The following TEX2 variants were observed in gnomAD, a reference collection of about 807,000 sequenced individuals.
The protein encoded by TEX2 is testis-expressed protein 2.
TEX2 carries 53 observed loss-of-function variants against 106.9 expected under a neutral mutation model. The ratio of observed to expected loss-of-function variants is 0.50; its 90% confidence interval spans 0.40 to 0.62. The LOEUF (loss-of-function observed/expected upper bound fraction) is 0.62. TEX2 is among the 20% of genes least tolerant of loss of function. The probability of loss-of-function intolerance (pLI) is 0.00; values close to 1 mark genes in which losing one functional copy is unlikely to be tolerated. For missense variants in TEX2, 1,207 were observed against 1,379.0 expected (o/e 0.88, Z 1.98); for synonymous variants, 523 against 534.8 (o/e 0.98, Z 0.30).
intron 2 of TEX2, among the ~76,000 whole-genome samples, chr17:64,211,702 C>T (rs1298993730): frequency 6.6e-6 from 1 of 151,114 alleles, no homozygotes; most frequent in Non-Finnish European, 1.5e-5. Context: ...TTTTGGTATC[C>T]TTGGGGGGGG....
chr17:64,234,025 T>C (rs2033714896), intron 1 of TEX2, among the ~76,000 whole-genome samples: 1 of 152,124 alleles, frequency 6.6e-6, no homozygotes, highest in Admixed American at 6.5e-5. Context: ...GAAGGTCTGT[T>C]CCATTGCTGT....
chr17:64,170,544 C>T (rs890778676), intron 7 of TEX2, among the ~76,000 whole-genome samples: 1 of 151,158 alleles, frequency 6.6e-6, no homozygotes, highest in Admixed American at 6.6e-5. Flanking sequence ...GGCATGTGTG[C>T]ATCACTGGGC....
intron 1 of TEX2, among the ~76,000 whole-genome samples, chr17:64,233,894 A>T (rs529254422): frequency 6.6e-6 from 1 of 152,154 alleles, no homozygotes; most frequent in Non-Finnish European, 1.5e-5. Context: ...TTCACTACAC[A>T]TGCCTGTACT....
chr17:64,155,977 A>G (rs1387132524), intron 8 of TEX2: 1 of 152,166 alleles, frequency 6.6e-6, no homozygotes, highest in African/African-American at 2.4e-5. Context: ...ACACAACCAA[A>G]TGGTCACCAA....
chr17:64,167,969 A>G (rs2031217627), intron 7 of TEX2, among the ~76,000 whole-genome samples: 1 of 152,174 alleles, frequency 6.6e-6, no homozygotes, highest in Non-Finnish European at 1.5e-5. Context: ...CATCCCTAGG[A>G]TGGGATAATC....
intron 1 of TEX2, among the ~76,000 whole-genome samples, chr17:64,234,427 AGAGAGCAC>A (rs2033723688): frequency 6.6e-6 from 1 of 152,224 alleles, no homozygotes; most frequent in Admixed American, 6.5e-5. Flanking sequence ...GTGAGTCCTC[AGAGAGCAC>A]TGTCTGCCAA....
At chr17:64,172,742 T>A (rs1231578051) in intron 6 of TEX2, among the ~76,000 whole-genome samples, 1 of 152,166 alleles carries the variant, frequency 6.6e-6, no homozygotes, top group Non-Finnish European at 1.5e-5. Flanking sequence ...CCCACACCTT[T>A]ATAAATCTTC....
chr17:64,216,419 G>C (rs1358679010), intron 1 of TEX2, among the ~76,000 whole-genome samples: 1 of 152,208 alleles, frequency 6.6e-6, no homozygotes, highest in Non-Finnish European at 1.5e-5. Flanking sequence ...ATAAAAGGAT[G>C]ATATGTAAGG....
At chr17:64,253,408 TC>T (rs1482094240) in intron 1 of TEX2, among the ~76,000 whole-genome samples, 1 of 151,202 alleles carries the variant, frequency 6.6e-6, no homozygotes, top group Non-Finnish European at 1.5e-5. Flanking sequence ...CAGGCAGTCC[TC>T]CCACCTCAGC....
intron 2 of TEX2, among the ~76,000 whole-genome samples, chr17:64,199,118 T>C (rs1468210628): frequency 6.6e-6 from 1 of 152,220 alleles, no homozygotes; most frequent in African/African-American, 2.4e-5. Flanking sequence ...TTCTCTCCAA[T>C]TGCTTTCATT....
At chr17:64,182,830 ATAT>A (rs1357616375) in intron 5 of TEX2, among the ~76,000 whole-genome samples, 2 of 151,982 alleles carry the variant, frequency 1.3e-5, no homozygotes, top group South Asian at 2.1e-4. Context: ...TTGCATAATA[ATAT>A]TATCATCTAT....
rs1435683338 is a variant in TEX2, at chr17:64,153,739, G to A, written c.2931-585C>T. 6.6e-6 allele frequency among the ~76,000 whole-genome samples: 1 copy of A among 152,130 alleles called. No homozygotes were observed. The highest frequency in any genetic ancestry group is 2.4e-5 in the African/African-American group (1 of 41,424). ...CTTCTTAAAGAAAAATGTAGCCTGG[G>A]CAACACAGTGAGACCCCCATCTCTA... On this transcript the variant is annotated intron_variant, in intron 9 of 11. Coordinates refer to ENST00000584379, the MANE Select transcript of TEX2 (RefSeq NM_001288732.2). The surrounding 1 kb of genome is among the most constrained non-coding windows in gnomAD (Gnocchi z 4.1).
chr17:64,149,598 G>A (rs1341416593), intron 11 of TEX2: 2 of 152,972 alleles, frequency 1.3e-5, no homozygotes, highest in Non-Finnish European at 2.9e-5. Flanking sequence ...TGGCCAACAT[G>A]GTGAAACCCT....
rs1208605543 is a variant in TEX2, at chr17:64,255,116, C to T, written c.-26+8052G>A. Among the ~76,000 whole-genome samples, 7 of 147,884 alleles carry T rather than the reference C, an allele frequency of 4.7e-5. No individual in the cohort carries two copies. In the East Asian group the frequency reaches 7.9e-4, roughly 17 times the overall value. On this transcript the variant is annotated intron_variant, in intron 1 of 11. Coordinates refer to ENST00000584379, the MANE Select transcript of TEX2 (RefSeq NM_001288732.2). ...CTTGGCCTCAAGTGATCCTCCACTTCGGTCTCCCAAAGTGCTGGGATTGCA... is the reference window on the plus strand; with the variant it reads ...CTTGGCCTCAAGTGATCCTCCACTTTGGTCTCCCAAAGTGCTGGGATTGCA...
At chr17:64,250,002 C>T (rs2034060839) in intron 1 of TEX2, among the ~76,000 whole-genome samples, 2 of 152,226 alleles carry the variant, frequency 1.3e-5, no homozygotes, top group African/African-American at 4.8e-5. Context: ...CAATTCCTTT[C>T]CCACGGGTTT....
chr17:64,171,742 G>A (rs1390458443), intron 6 of TEX2, among the ~76,000 whole-genome samples: 1 of 152,166 alleles, frequency 6.6e-6, no homozygotes, highest in East Asian at 1.9e-4. Context: ...ACTTTGGGAG[G>A]CCAAGGTGGA....
intron 2 of TEX2, among the ~76,000 whole-genome samples, chr17:64,201,779 C>G (rs16947561): frequency 0.032 from 4,838 of 152,276 alleles, 130 homozygotes; most frequent in South Asian, 0.1. Flanking sequence ...CTGTTAACTA[C>G]CTGGTTTACT....
In TEX2 at chr17:64,152,987, G is replaced by T. The variant is rs371854163; in HGVS notation, c.3098C>A (p.Thr1033Asn). 6.2e-7 allele frequency: 1 copy of T among 1,614,156 alleles called. No individual in the cohort carries two copies. The highest frequency in any genetic ancestry group is 8.5e-7 in the Non-Finnish European group (1 of 1,180,026). ...GGGTGGTGGAATGTTGACCGCCAAG[G>T]TTCCTCTACATTCTTGTACTTCAAC... ...LTVEVQECRGTLAVNIPPPPT... is the reference protein window; with the variant it reads ...LTVEVQECRGNLAVNIPPPPT... Residue 1033 changes from threonine (T) to asparagine (N), a missense_variant, in exon 10 of 12, where the codon ACC (threonine) becomes AAC (asparagine). Thr to Asn is a moderately conservative substitution (Grantham distance 65). This residue lies in a region of TEX2 where 63 missense variants were observed against 112.2 expected (regional missense o/e 0.56). Coordinates refer to ENST00000584379, the MANE Select transcript of TEX2 (RefSeq NM_001288732.2).
At chr17:64,200,180 T>C (rs782611415) in intron 2 of TEX2, among the ~76,000 whole-genome samples, 78 of 151,940 alleles carry the variant, frequency 5.1e-4, no homozygotes, top group Non-Finnish European at 1.0e-3. Context: ...TAGACAAACA[T>C]ATCATTTTTT....
Sources: allele counts gnomAD v4.1 joint callset (sites outside exome capture counted in the v4.1 genomes callset), GRCh38; gene constraint gnomAD v4.1.1; regional missense constraint gnomAD v4.1.1; non-coding constraint Gnocchi (gnomAD v3.1); transcripts MANE v1.5; gene names NCBI Gene and HGNC (gene_info 2026-07-23, HGNC 2026-07-21).